The following HDAC9 variants were observed in gnomAD, a reference collection of about 807,000 sequenced individuals.
HDAC9 encodes MEF-2 interacting transcription repressor (MITR) protein.
In HDAC9, 41 loss-of-function variants were observed where a neutral mutation model predicts 139.4. The ratio of observed to expected loss-of-function variants is 0.29; its 90% CI spans 0.23 to 0.38. The LOEUF (loss-of-function observed/expected upper bound fraction) is 0.38, where lower values mean the gene tolerates loss of function less well. Ranked by LOEUF, HDAC9 falls within the 10% of genes least tolerant of loss-of-function variation. The probability of loss-of-function intolerance (pLI) is 1.00; values close to 1 mark genes in which losing one functional copy is unlikely to be tolerated. For missense variants in HDAC9, 1,147 were observed against 1,297.0 expected (o/e 0.88, Z 1.78); for synonymous variants, 517 against 476.2 (o/e 1.09, Z -1.12).
chr7:18,721,411 C>T (rs1294915767), intron 12 of HDAC9, among the ~76,000 whole-genome samples: 1 of 151,552 alleles, frequency 6.6e-6, no homozygotes, highest in Non-Finnish European at 1.5e-5. Context: ...TATTCTTTTG[C>T]TTTTTTTCAC....
chr7:18,352,928 G>A (rs563374824), intron 1 of HDAC9, among the ~76,000 whole-genome samples: 7 of 152,084 alleles, frequency 4.6e-5, no homozygotes, highest in African/African-American at 1.4e-4. Context: ...TCAGCTCGGC[G>A]GCCAGCAAAA....
At chr7:18,239,598 TA>T (rs1300074936) in intron 2 of HDAC9, among the ~76,000 whole-genome samples, 1 of 152,204 alleles carries the variant, frequency 6.6e-6, no homozygotes, top group Non-Finnish European at 1.5e-5. Flanking sequence ...AAAAAGAAGT[TA>T]AAAATAAAAT....
chr7:18,280,576 A>G (rs1797037156), intron 2 of HDAC9, among the ~76,000 whole-genome samples: 1 of 139,486 alleles, frequency 7.2e-6, no homozygotes, highest in South Asian at 2.4e-4. Context: ...TGACAGAGCG[A>G]GACTCTGTCT....
intron 2 of HDAC9, among the ~76,000 whole-genome samples, chr7:18,568,026 G>GTATA (rs36203178): frequency 0.016 from 1,979 of 126,780 alleles, 37 homozygotes; most frequent in Non-Finnish European, 0.022. Context: ...ATATGTATAT[G>GTATA]TATATATATA....
At chr7:18,876,489 A>G (rs1799328948) in intron 22 of HDAC9, among the ~76,000 whole-genome samples, 1 of 152,200 alleles carries the variant, frequency 6.6e-6, no homozygotes, top group African/African-American at 2.4e-5. Flanking sequence ...AAATATATAC[A>G]ATGAGAAGAG....
chr7:18,544,606 G>T (rs1165767122), intron 2 of HDAC9, among the ~76,000 whole-genome samples: 4 of 152,044 alleles, frequency 2.6e-5, no homozygotes, highest in Non-Finnish European at 4.4e-5. Context: ...CTGAACTCTG[G>T]GACACTCCAC....
chr7:18,315,111 A>G (rs1293534705), intron 1 of HDAC9, among the ~76,000 whole-genome samples: 1 of 152,190 alleles, frequency 6.6e-6, no homozygotes, highest in Non-Finnish European at 1.5e-5. Context: ...TGTAATCCTC[A>G]TGTTAAAGAA....
intron 1 of HDAC9, among the ~76,000 whole-genome samples, chr7:18,303,304 G>T (rs931627424): frequency 6.6e-6 from 1 of 151,270 alleles, no homozygotes; most frequent in East Asian, 1.9e-4. Flanking sequence ...TGCAAGCTCC[G>T]CCTCCCGGGT....
intron 2 of HDAC9, among the ~76,000 whole-genome samples, chr7:18,189,989 G>T (rs1790226975): frequency 6.6e-6 from 1 of 151,948 alleles, no homozygotes. Flanking sequence ...GCCCAGGCTG[G>T]AGTACAGTGG....
rs112805005 is a variant in HDAC9, at chr7:18,691,218, T to A, written c.1731+24742T>A. On this transcript the variant is annotated intron_variant, in intron 12 of 25. Transcript: ENST00000686413. ...AAACCACTGAGAGCAATTTGTGCACTCAAGTTTATGTTCTGCATAAGAGGG... is the reference window on the plus strand; with the variant it reads ...AAACCACTGAGAGCAATTTGTGCACACAAGTTTATGTTCTGCATAAGAGGG... Among the ~76,000 whole-genome samples, 36 of 151,918 alleles carry A rather than the reference T, an allele frequency of 2.4e-4. 2 individuals are homozygous for A. Among genetic ancestry groups the A allele is most frequent in the African/African-American group, 8.7e-4 (36 of 41,478 alleles).
At position 18,424,398 on chromosome 7, in the gene HDAC9, A is replaced by C. The variant is rs553716210; in HGVS notation, c.-41-71864A>C. On this transcript the variant is annotated intron_variant, in intron 1 of 3. Transcript: ENST00000413509. ...ATTATACCTACTTCATCAGGATGCT[A>C]TGAAGATGAAATAAAATAATTATAG... Among the ~76,000 whole-genome samples the C allele has an allele frequency of 3.3e-5, 5 of 152,330 alleles. No individual in the cohort carries two copies. The South Asian group carries it at 6.2e-4, about 19-fold the overall frequency.
intron 22 of HDAC9, among the ~76,000 whole-genome samples, chr7:18,924,149 A>AC (rs1302167303): frequency 1.3e-5 from 2 of 151,880 alleles, no homozygotes; most frequent in African/African-American, 4.8e-5. Flanking sequence ...AAAAAAAAAA[A>AC]CTATCCTAAC....
chr7:18,431,413 C>T (rs115389711), intron 1 of HDAC9, among the ~76,000 whole-genome samples: 1,530 of 152,278 alleles, frequency 0.01, 24 homozygotes, highest in African/African-American at 0.034. Flanking sequence ...AATGTAGTCA[C>T]ATCATGCCTG....
At chr7:18,121,889 AGAAGAGAT>A (rs565323043) in intron 1 of HDAC9, among the ~76,000 whole-genome samples, 114 of 152,354 alleles carry the variant, frequency 7.5e-4, no homozygotes, top group Non-Finnish European at 1.1e-3. Flanking sequence ...CAGTTTACAA[AGAAGAGAT>A]GAAGAGATCT....
chr7:18,639,745 T>A (rs1455776505), intron 8 of HDAC9, among the ~76,000 whole-genome samples: 7 of 152,072 alleles, frequency 4.6e-5, no homozygotes, highest in Non-Finnish European at 2.9e-5. Flanking sequence ...ATTCAGGGAC[T>A]TGGGACCTTG....
At chr7:18,959,396 A>T (rs923226102) in intron 24 of HDAC9, among the ~76,000 whole-genome samples, 1 of 152,136 alleles carries the variant, frequency 6.6e-6, no homozygotes, top group African/African-American at 2.4e-5. Context: ...TTTAAGTGTC[A>T]ACCAATTTTG....
chr7:18,357,000 A>G (rs929331291), intron 1 of HDAC9, among the ~76,000 whole-genome samples: 1 of 152,164 alleles, frequency 6.6e-6, no homozygotes, highest in African/African-American at 2.4e-5. Flanking sequence ...ATTAAGGTAT[A>G]TACTGAAAGT....
rs1051453675 is a variant in HDAC9, at chr7:18,579,566, A to C, written c.23-5715A>C. Among the ~76,000 whole-genome samples, 9 of 152,220 alleles carry C rather than the reference A, an allele frequency of 5.9e-5. 1 individual carries two copies. The East Asian group carries it at 1.7e-3, about 29-fold the overall frequency. The stretch of plus-strand genomic sequence containing the variant: ...GCCAAATCCAGAATTTTTAGTTCAT[A>C]TGTCGCATTGCCAGTGTTGTGAACA... On this transcript the variant is annotated intron_variant, in intron 2 of 25. Coordinates refer to ENST00000686413, the MANE Select transcript of HDAC9 (RefSeq NM_178425.4).
chr7:18,989,658 T>G (rs1268682631), intron 25 of HDAC9, among the ~76,000 whole-genome samples: 2 of 151,134 alleles, frequency 1.3e-5, no homozygotes, highest in East Asian at 3.9e-4. Flanking sequence ...TTTTCCAACT[T>G]GATTCCATTC....
Sources: gnomAD v4.1 joint callset for allele counts (sites outside exome capture counted in the v4.1 genomes callset) on GRCh38, gnomAD v4.1.1 for gene constraint, MANE v1.5 for transcripts, NCBI Gene and HGNC (gene_info 2026-07-23, HGNC 2026-07-21) for gene names.